Variants in PLCXD2 observed in about 807,000 individuals in gnomAD.
PLCXD2 encodes PI-PLC X domain-containing protein 2.
PLCXD2 carries 21 observed loss-of-function variants against 28.6 expected under a neutral mutation model. That is an observed-to-expected ratio of 0.73 (90% CI 0.52 to 1.06). The LOEUF (loss-of-function observed/expected upper bound fraction) is 1.06, where lower values mean the gene tolerates loss of function less well. Among genes scored for constraint, PLCXD2 ranks in the 50% least tolerant of loss-of-function variants. The pLI, the probability that PLCXD2 is intolerant of heterozygous loss-of-function variation, is 0.00. For missense variants in PLCXD2, 369 were observed against 376.7 expected (o/e 0.98, Z 0.17); for synonymous variants, 140 against 150.1 (o/e 0.93, Z 0.49).
intron 2 of PLCXD2, among the ~76,000 whole-genome samples, chr3:111,713,225 G>C (rs1941224621): frequency 6.6e-6 from 1 of 152,228 alleles, no homozygotes; most frequent in Non-Finnish European, 1.5e-5. Context: ...CTTCCCCAGA[G>C]GGATATGAGG....
chr3:111,677,715 G>A (rs536778453), intron 1 of PLCXD2, among the ~76,000 whole-genome samples: 18 of 152,306 alleles, frequency 1.2e-4, no homozygotes, highest in African/African-American at 4.3e-4. Flanking sequence ...TGCCCCTGAG[G>A]GGTCTTGGGA....
intron 3 of PLCXD2, 109 bp downstream of exon 3, chr3:111,714,237 C>A: frequency 7.3e-7 from 1 of 1,373,834 alleles, no homozygotes; most frequent in Non-Finnish European, 9.6e-7. Context: ...GTTAGAAAAA[C>A]AACAAAACAA....
At chr3:111,720,596 T>A in intron 3 of PLCXD2, 127 bp from the exon 4 acceptor site, 1 of 406,658 alleles carries the variant, frequency 2.5e-6, no homozygotes, top group East Asian at 3.6e-5. Flanking sequence ...GAAATACCTC[T>A]GAAAGCTTGT....
intron 1 of PLCXD2, among the ~76,000 whole-genome samples, chr3:111,683,797 A>G (rs1304952228): frequency 6.6e-6 from 1 of 152,202 alleles, no homozygotes; most frequent in African/African-American, 2.4e-5. Flanking sequence ...TCTTAACAAG[A>G]CTAGGGAGGC....
At chr3:111,721,740 A>G (rs1340436853) in intron 3 of PLCXD2, 2 of 152,192 alleles carry the variant, frequency 1.3e-5, no homozygotes, top group African/African-American at 4.8e-5. Flanking sequence ...CACCTGCATC[A>G]TTTTGGCAAA....
intron 3 of PLCXD2, chr3:111,724,196 T>C (rs985864929): frequency 6.6e-6 from 1 of 152,194 alleles, no homozygotes; most frequent in African/African-American, 2.4e-5. Context: ...AACATTAAAT[T>C]TTAAATTAGT....
chr3:111,716,954 G>A (rs1252293760), intron 3 of PLCXD2, among the ~76,000 whole-genome samples: 1 of 152,198 alleles, frequency 6.6e-6, no homozygotes, highest in Admixed American at 6.5e-5. Context: ...GCAATAAGAA[G>A]GCGGCTGTCT....
intron 1 of PLCXD2, among the ~76,000 whole-genome samples, chr3:111,675,721 G>A (rs575974579): frequency 7.2e-5 from 11 of 152,302 alleles, no homozygotes; most frequent in African/African-American, 2.6e-4. Flanking sequence ...TGTGAGGGGT[G>A]CATTGTCTTA....
chr3:111,724,965 A>G (rs1241837887), intron 3 of PLCXD2: 1 of 152,222 alleles, frequency 6.6e-6, no homozygotes, highest in Non-Finnish European at 1.5e-5. Context: ...TAATGATTAG[A>G]TTAAATGCCT....
At chr3:111,719,529 A>G (rs989933405) in intron 3 of PLCXD2, among the ~76,000 whole-genome samples, 3 of 152,252 alleles carry the variant, frequency 2.0e-5, no homozygotes, top group African/African-American at 7.2e-5. Flanking sequence ...AAACTGCAGT[A>G]TATACATACA....
At chr3:111,709,068 A>G (rs1941162602) in intron 2 of PLCXD2, among the ~76,000 whole-genome samples, 1 of 148,830 alleles carries the variant, frequency 6.7e-6, no homozygotes. Context: ...GAGCTTCAGG[A>G]AAGTGTTTAA....
intron 1 of PLCXD2, among the ~76,000 whole-genome samples, chr3:111,704,987 AT>A (rs2107859678): frequency 6.6e-6 from 1 of 151,760 alleles, no homozygotes; most frequent in African/African-American, 2.4e-5. Flanking sequence ...TAATTTTTCT[AT>A]TTTTTTAAGG....
intron 1 of PLCXD2, among the ~76,000 whole-genome samples, chr3:111,680,696 C>G (rs1940700732): frequency 6.6e-6 from 1 of 152,154 alleles, no homozygotes; most frequent in Non-Finnish European, 1.5e-5. Flanking sequence ...TGTCTATAAA[C>G]AGAAAGATCA....
At chr3:111,725,234 T>C (rs1338334696) in intron 3 of PLCXD2, 1 of 167,868 alleles carries the variant, frequency 6.0e-6, no homozygotes, top group Non-Finnish European at 1.3e-5. Flanking sequence ...AATGATAGCA[T>C]CAAATATCCA....
At chr3:111,704,433 G>T (rs1941088283) in intron 1 of PLCXD2, among the ~76,000 whole-genome samples, 1 of 152,198 alleles carries the variant, frequency 6.6e-6, no homozygotes, top group South Asian at 2.1e-4. Context: ...TTTTCATCTA[G>T]AAATAGCTAC....
At chr3:111,697,650 T>C (rs962012366) in intron 1 of PLCXD2, among the ~76,000 whole-genome samples, 4 of 152,194 alleles carry the variant, frequency 2.6e-5, no homozygotes, top group Non-Finnish European at 4.4e-5. Flanking sequence ...TACTGTTTTT[T>C]CCATTTCAAA....
chr3:111,722,598 C>A (rs1432241190), intron 3 of PLCXD2: 1 of 152,156 alleles, frequency 6.6e-6, no homozygotes, highest in African/African-American at 2.4e-5. Flanking sequence ...TCTGAGAATC[C>A]CTAAGGAAGT....
rs146186369 is a variant in PLCXD2 at position 111,714,775 on chromosome 3, C to T, written c.866+647C>T. On this transcript the variant is annotated intron_variant, in intron 3 of 4. Coordinates refer to ENST00000477665, the MANE Select transcript of PLCXD2 (RefSeq NM_001185106.1). The stretch of plus-strand genomic sequence containing the variant: ...ATTTGTATGCGTGTTTGTGTGTGTG[C>T]GCGCACATATATGTGAGTGTGTGTA... Among the ~76,000 whole-genome samples the T allele has an allele frequency of 1.9e-3, 290 of 152,182 alleles. 2 individuals are homozygous for T. The highest frequency in any genetic ancestry group is 6.8e-3 in the Middle Eastern group (2 of 294).
chr3:111,677,423 G>C (rs1940640770), intron 1 of PLCXD2: 1 of 152,130 alleles, frequency 6.6e-6, no homozygotes, highest in Admixed American at 6.6e-5. Context: ...TTGGGAAATG[G>C]GGGCCATCAT....
Sources: gnomAD v4.1 joint callset for allele counts (sites outside exome capture counted in the v4.1 genomes callset) on GRCh38, gnomAD v4.1.1 for gene constraint, MANE v1.5 for transcripts, NCBI Gene and HGNC (gene_info 2026-07-23, HGNC 2026-07-21) for gene names.